Variants in EAF2 observed in about 807,000 individuals in gnomAD.
EAF2 encodes the protein ELL associated factor 2, also known as ELL-associated factor 2.
A neutral mutation model predicts 29.4 loss-of-function variants in EAF2; 29 were observed. The ratio of observed to expected loss-of-function variants is 0.99; its 90% CI spans 0.73 to 1.35. EAF2 has a LOEUF of 1.35. EAF2 is among the 40% of genes most tolerant of loss of function. EAF2 has a pLI of 0.00. For missense variants in EAF2, 292 were observed against 312.0 expected, an observed-to-expected ratio of 0.94 and a Z score of 0.48; for synonymous variants, 103 against 102.5, an observed-to-expected ratio of 1.00 and a Z score of -0.03.
At chr3:121,842,464 G>A (rs1042576677) in intron 1 of EAF2, among the ~76,000 whole-genome samples, 1 of 152,022 alleles carries the variant, frequency 6.6e-6, no homozygotes, top group Non-Finnish European at 1.5e-5. Flanking sequence ...TTTGCAGTTC[G>A]TTTTTCTAGC....
At chr3:121,856,824 T>C (rs894206509) in intron 3 of EAF2, among the ~76,000 whole-genome samples, 187 bp from the exon 4 acceptor site, 12 of 152,212 alleles carry the variant, frequency 7.9e-5, no homozygotes, top group South Asian at 2.1e-4. Context: ...AATGGACATG[T>C]GTATCACAGA....
At chr3:121,885,607 C>T (rs1362788608) in intron 5 of EAF2, among the ~76,000 whole-genome samples, 3 of 152,172 alleles carry the variant, frequency 2.0e-5, no homozygotes, top group Admixed American at 2.0e-4. Context: ...GAGAATGCAA[C>T]AAATATGCTC....
chr3:121,885,437 G>A (rs1196216125), intron 5 of EAF2, among the ~76,000 whole-genome samples: 1 of 152,198 alleles, frequency 6.6e-6, no homozygotes, highest in Non-Finnish European at 1.5e-5. Context: ...CCGGTTTTAA[G>A]TTAGTTGCCT....
intron 5 of EAF2, among the ~76,000 whole-genome samples, chr3:121,881,944 A>T (rs1709197166): frequency 6.6e-6 from 1 of 152,230 alleles, no homozygotes; most frequent in Non-Finnish European, 1.5e-5. Flanking sequence ...TGTTAAACAT[A>T]TGAAATGGTA....
At chr3:121,874,315 G>T (rs1195702853) in intron 5 of EAF2, among the ~76,000 whole-genome samples, 1 of 151,790 alleles carries the variant, frequency 6.6e-6, no homozygotes, top group African/African-American at 2.4e-5. Flanking sequence ...GACCAGCAAA[G>T]ATACTTTGAA....
intron 5 of EAF2, chr3:121,873,131 G>A (rs1709045781): frequency 1.1e-5 from 7 of 665,118 alleles, no homozygotes; most frequent in Admixed American, 9.5e-5. Context: ...CCATGTTTCT[G>A]TTGCAGTCAA....
At chr3:121,835,502 A>C in intron 1 of EAF2, 111 bp downstream of exon 1, 159 of 926,400 alleles carry the variant, frequency 1.7e-4, no homozygotes, top group Middle Eastern at 3.1e-4. Flanking sequence ...GTTGGAGACT[A>C]CGGGGCGGGG....
intron 1 of EAF2, among the ~76,000 whole-genome samples, chr3:121,842,040 C>T (rs910398181): frequency 6.6e-6 from 1 of 151,420 alleles, no homozygotes; most frequent in African/African-American, 2.4e-5. Context: ...AAAAAATTTC[C>T]GGGTGTGGTG....
At chr3:121,866,739 A>G (rs1708934193) in intron 4 of EAF2, among the ~76,000 whole-genome samples, 1 of 152,044 alleles carries the variant, frequency 6.6e-6, no homozygotes, top group African/African-American at 2.4e-5. Flanking sequence ...AAATAAAAAA[A>G]ATAAAAAATA....
intron 5 of EAF2, among the ~76,000 whole-genome samples, chr3:121,876,185 A>G (rs1310113344): frequency 2.6e-5 from 4 of 151,956 alleles, no homozygotes; most frequent in Non-Finnish European, 5.9e-5. Context: ...CTACAAAAGA[A>G]TAGTCTGACA....
intron 2 of EAF2, among the ~76,000 whole-genome samples, chr3:121,846,147 T>TATAC (rs762948201): frequency 3.9e-5 from 6 of 152,202 alleles, no homozygotes; most frequent in Admixed American, 3.3e-4. Flanking sequence ...TTACCGTGGT[T>TATAC]ATACATATAG....
At chr3:121,870,795 TA>T (rs1394742119) in intron 4 of EAF2, among the ~76,000 whole-genome samples, 1 of 151,902 alleles carries the variant, frequency 6.6e-6, no homozygotes, top group Non-Finnish European at 1.5e-5. Flanking sequence ...AGTAAGCATA[TA>T]AAAAAACACT....
At chr3:121,854,096 A>G (rs1211942333) in intron 2 of EAF2, among the ~76,000 whole-genome samples, 1 of 152,082 alleles carries the variant, frequency 6.6e-6, no homozygotes, top group African/African-American at 2.4e-5. Flanking sequence ...TGGGTGGATC[A>G]CTTGAGGTCA....
At chr3:121,858,040 G>T (rs1012748549) in intron 4 of EAF2, among the ~76,000 whole-genome samples, 2 of 152,126 alleles carry the variant, frequency 1.3e-5, no homozygotes, top group African/African-American at 4.8e-5. Context: ...TGGTGTATAT[G>T]TGCCACATTT....
intron 1 of EAF2, 24 bp from the exon 2 acceptor site, chr3:121,844,429 A>G: frequency 7.1e-7 from 1 of 1,404,536 alleles, no homozygotes; most frequent in Non-Finnish European, 1.0e-6. Context: ...TTTTACAAAA[A>G]TTGGTATTTG....
chr3:121,857,229 C>T (rs1708736547), intron 4 of EAF2, 73 bp downstream of exon 4: 3 of 1,377,514 alleles, frequency 2.2e-6, no homozygotes, highest in South Asian at 1.4e-5. Context: ...CATGGTGGCT[C>T]ACACCTGTAA....
chr3:121,873,935 A>T (rs1322383627), intron 5 of EAF2, among the ~76,000 whole-genome samples: 3 of 151,818 alleles, frequency 2.0e-5, no homozygotes, highest in Non-Finnish European at 4.4e-5. Context: ...TGTCTTCTTT[A>T]TATCAATTGT....
At chr3:121,841,624 G>A (rs1162900155) in intron 1 of EAF2, among the ~76,000 whole-genome samples, 1 of 151,044 alleles carries the variant, frequency 6.6e-6, no homozygotes, top group Admixed American at 6.6e-5. Context: ...TGTAATCCCA[G>A]CATTTTGGGA....
intron 1 of EAF2, chr3:121,836,608 T>A: frequency 1.0e-6 from 1 of 984,876 alleles, no homozygotes; most frequent in Non-Finnish European, 1.2e-6. Context: ...ACAGTGTCCC[T>A]TGTTTATTCT....
Sources: allele counts gnomAD v4.1 joint callset (sites outside exome capture counted in the v4.1 genomes callset), GRCh38; gene constraint gnomAD v4.1.1; transcripts MANE v1.5; gene names NCBI Gene and HGNC (gene_info 2026-07-23, HGNC 2026-07-21).